ELMO1: variants seen among roughly 807,000 people sequenced by gnomAD.
ELMO1 encodes the protein engulfment and cell motility 1.
In ELMO1, 26 loss-of-function variants were observed where a neutral mutation model predicts 98.9. The ratio of observed to expected loss-of-function variants is 0.26; its 90% CI spans 0.19 to 0.36. The LOEUF is 0.36. ELMO1 is among the 10% of genes least tolerant of loss of function. The probability of loss-of-function intolerance (pLI) is 1.00; values close to 1 mark genes in which losing one functional copy is unlikely to be tolerated. For synonymous variants in ELMO1, 346 were observed against 346.0 expected, an observed-to-expected ratio of 1.00 and a Z score of 0.00; for missense variants, 627 against 935.2, an observed-to-expected ratio of 0.67 and a Z score of 4.30.
rs943116999 is a variant in ELMO1 at position 37,166,861 on chromosome 7, G to T, written c.1087-33627C>A. ...TGTAGATGTCTATTAGGTCTGCTTG[G>T]TGGAGAGCTGAGTTCAATTCCTGGA... On this transcript the variant is annotated intron_variant, in intron 13 of 21. Coordinates refer to ENST00000310758, the MANE Select transcript of ELMO1 (RefSeq NM_014800.11). Among the ~76,000 whole-genome samples, 2 of 152,124 alleles carry T rather than the reference G, an allele frequency of 1.3e-5. 1 individual carries two copies. The highest frequency in any genetic ancestry group is 1.3e-4 in the Admixed American group (2 of 15,266).
chr7:37,247,738 C>T (rs1795087158), intron 6 of ELMO1, among the ~76,000 whole-genome samples: 1 of 152,086 alleles, frequency 6.6e-6, no homozygotes. Context: ...AGACGGGCCA[C>T]CTGGGTGCAA....
chr7:36,993,268 G>A (rs879620162), intron 16 of ELMO1, among the ~76,000 whole-genome samples: 5 of 152,214 alleles, frequency 3.3e-5, no homozygotes, highest in Admixed American at 1.3e-4. Flanking sequence ...ATTCTAGGGT[G>A]AGTCCTGTTT....
chr7:36,876,011 T>C (rs1275388752), intron 19 of ELMO1, among the ~76,000 whole-genome samples: 2 of 152,196 alleles, frequency 1.3e-5, no homozygotes, highest in Non-Finnish European at 2.9e-5. Flanking sequence ...GCTGTGTTTG[T>C]TCTGTCCTGA....
chr7:37,260,495 G>A (rs2130800375), intron 5 of ELMO1, among the ~76,000 whole-genome samples: 1 of 152,186 alleles, frequency 6.6e-6, no homozygotes, highest in East Asian at 1.9e-4. Flanking sequence ...ATAGGGGAGG[G>A]AATCCATGCA....
chr7:37,122,123 G>A (rs1312779560), intron 14 of ELMO1, among the ~76,000 whole-genome samples: 1 of 152,126 alleles, frequency 6.6e-6, no homozygotes, highest in Non-Finnish European at 1.5e-5. Flanking sequence ...CCCTAAAAGA[G>A]CTCCTGAAGG....
intron 16 of ELMO1, among the ~76,000 whole-genome samples, chr7:36,896,587 C>T (rs763606331): frequency 1.3e-5 from 2 of 152,190 alleles, no homozygotes; most frequent in Non-Finnish European, 2.9e-5. Context: ...TGAATTGGAA[C>T]GAACTGCATA....
chr7:37,163,809 T>C (rs1399636710), intron 13 of ELMO1, among the ~76,000 whole-genome samples: 1 of 152,232 alleles, frequency 6.6e-6, no homozygotes, highest in Non-Finnish European at 1.5e-5. Flanking sequence ...CGTGTGCATG[T>C]GTCTTTATAG....
intron 16 of ELMO1, among the ~76,000 whole-genome samples, chr7:36,909,345 A>C (rs1784187249): frequency 6.6e-6 from 1 of 152,174 alleles, no homozygotes; most frequent in Non-Finnish European, 1.5e-5. Context: ...ATTAGCATGG[A>C]CATCTGACAG....
intron 1 of ELMO1, among the ~76,000 whole-genome samples, chr7:37,345,732 G>A (rs1204116537): frequency 6.6e-6 from 1 of 152,004 alleles, no homozygotes; most frequent in African/African-American, 2.4e-5. Flanking sequence ...GCTCACACCT[G>A]TAATCCCAGC....
intron 4 of ELMO1, among the ~76,000 whole-genome samples, chr7:37,313,414 G>A (rs951230583): frequency 5.9e-5 from 9 of 152,028 alleles, no homozygotes; most frequent in Non-Finnish European, 1.2e-4. Flanking sequence ...TAGTAGAGAC[G>A]GGGTTTCACC....
intron 6 of ELMO1, among the ~76,000 whole-genome samples, chr7:37,256,358 T>C (rs187402320): frequency 2.6e-5 from 4 of 152,096 alleles, no homozygotes; most frequent in South Asian, 2.1e-4. Context: ...TCACATTCAG[T>C]TCTAGGGATT....
chr7:37,047,406 A>G (rs568093795), intron 15 of ELMO1, among the ~76,000 whole-genome samples: 2 of 152,390 alleles, frequency 1.3e-5, no homozygotes, highest in South Asian at 2.1e-4. Flanking sequence ...CTGGACTGAC[A>G]TGACACCTTG....
At chr7:37,056,057 G>T (rs777149644) in intron 15 of ELMO1, among the ~76,000 whole-genome samples, 10 of 152,152 alleles carry the variant, frequency 6.6e-5, no homozygotes, top group Non-Finnish European at 1.3e-4. Flanking sequence ...TACCCAGAAA[G>T]AATTTACAAT....
chr7:36,875,631 G>A (rs1248428877), intron 19 of ELMO1, among the ~76,000 whole-genome samples: 3 of 152,172 alleles, frequency 2.0e-5, no homozygotes, highest in Non-Finnish European at 4.4e-5. Context: ...GCTGTGTGGA[G>A]ATTTGCAGCT....
At chr7:37,004,309 CCAGTTAACAACTGGTTTCT>C (rs1220059173) in intron 16 of ELMO1, among the ~76,000 whole-genome samples, 6 of 152,064 alleles carry the variant, frequency 3.9e-5, no homozygotes, top group African/African-American at 1.2e-4. Context: ...GTCATAGAAA[CCAGTTAACAACTGGTTTCT>C]ACACAGCCCC....
At chr7:37,166,084 G>C (rs535772796) in intron 13 of ELMO1, among the ~76,000 whole-genome samples, 64 of 152,288 alleles carry the variant, frequency 4.2e-4, no homozygotes, top group Admixed American at 2.0e-3. Flanking sequence ...TATGTGTCGA[G>C]GAATTTATCC....
intron 13 of ELMO1, among the ~76,000 whole-genome samples, chr7:37,168,506 T>C (rs1563051998): frequency 6.6e-6 from 1 of 152,158 alleles, no homozygotes; most frequent in Non-Finnish European, 1.5e-5. Flanking sequence ...GATGTACAGA[T>C]GGGTTTTTGG....
At chr7:37,429,868 A>T (rs192073164) in intron 1 of ELMO1, 1 of 152,384 alleles carries the variant, frequency 6.6e-6, no homozygotes, top group East Asian at 1.9e-4. Context: ...TCAGACTACA[A>T]TTACCTGGTG....
chr7:37,210,202 A>G (rs557432510), intron 13 of ELMO1, among the ~76,000 whole-genome samples: 1 of 152,296 alleles, frequency 6.6e-6, no homozygotes, highest in South Asian at 2.1e-4. Context: ...GTACAGTTCC[A>G]CAAATTTATC....
Sources: gnomAD v4.1 joint callset for allele counts (sites outside exome capture counted in the v4.1 genomes callset) on GRCh38, gnomAD v4.1.1 for gene constraint, MANE v1.5 for transcripts, NCBI Gene and HGNC (gene_info 2026-07-23, HGNC 2026-07-21) for gene names.